NSL1: variants seen among roughly 807,000 people sequenced by gnomAD.
The protein encoded by NSL1 is kinetochore-associated protein NSL1 homolog.
NSL1 carries 11 observed loss-of-function variants against 25.4 expected under a neutral mutation model. That is an observed-to-expected ratio of 0.43 (90% CI 0.27 to 0.72). NSL1 has a LOEUF of 0.72. Ranked by LOEUF, NSL1 falls within the 30% of genes least tolerant of loss-of-function variation. The pLI is 0.19. For synonymous variants in NSL1, 118 were observed against 120.6 expected (o/e 0.98, Z 0.14); for missense variants, 330 against 342.7 (o/e 0.96, Z 0.29).
chr1:212,727,383 T>G lies in NSL1; in HGVS notation c.*11025A>C. The G allele has an allele frequency of 1.0e-6, 1 of 985,332 alleles. No homozygotes were observed. The highest frequency in any genetic ancestry group is 1.2e-6 in the Non-Finnish European group (1 of 829,906). The allele number at this position is 985,332 out of a possible 1,614,324, so 61.0% of individuals were successfully genotyped here. ...CAGGAAGGTCACTTAACCAGGGAAA[T>G]AAGTATCAGTCAAGTTAATGTTTCC... On this transcript the variant is annotated 3_prime_UTR_variant, in exon 6 of 6. Transcript: ENST00000366977.
intron 4 of NSL1, chr1:212,781,897 A>G (rs1230099964): frequency 6.7e-6 from 2 of 298,894 alleles, no homozygotes; most frequent in Non-Finnish European, 1.3e-5. Flanking sequence ...ATATAAATGG[A>G]AACAAAACTG....
At position 212,732,227 on chromosome 1, in the gene NSL1, T is replaced by C. The variant is rs1040559881; in HGVS notation, c.*6181A>G. On this transcript the variant is annotated 3_prime_UTR_variant, in exon 6 of 6. Coordinates refer to ENST00000366977, the MANE Select transcript of NSL1 (RefSeq NM_015471.4). ...TAATCATATTACAAAACATCTCCTT[T>C]ATACAATTTTCTGCATAGTTAACAT... The C allele has an allele frequency of 2.0e-6, 2 of 981,986 alleles. No individual in the cohort carries two copies. The highest frequency in any genetic ancestry group is 3.5e-5 in the African/African-American group (2 of 57,128). 60.8% of individuals were successfully genotyped at this position (981,986 alleles called of 1,614,324 possible).
At chr1:212,783,544 G>A (rs1660812689) in intron 3 of NSL1, among the ~76,000 whole-genome samples, 1 of 152,168 alleles carries the variant, frequency 6.6e-6, no homozygotes, top group Admixed American at 6.5e-5. Flanking sequence ...GAGGCAACTA[G>A]AAGATTTATA....
At chr1:212,753,744 T>TA (rs1034622496) in intron 4 of NSL1, among the ~76,000 whole-genome samples, 2 of 152,200 alleles carry the variant, frequency 1.3e-5, no homozygotes, top group Admixed American at 6.5e-5. Context: ...AATATAATAT[T>TA]AAAAAACTCA....
At chr1:212,752,277 G>A (rs1659101553) in intron 4 of NSL1, among the ~76,000 whole-genome samples, 1 of 152,086 alleles carries the variant, frequency 6.6e-6, no homozygotes, top group Non-Finnish European at 1.5e-5. Context: ...TTTTTTCCCA[G>A]TGGGAAGTGT....
chr1:212,769,010 C>T (rs1558055340), intron 4 of NSL1, among the ~76,000 whole-genome samples: 1 of 151,928 alleles, frequency 6.6e-6, no homozygotes, highest in African/African-American at 2.4e-5. Flanking sequence ...CACTCCACTG[C>T]ACTCCAGCCT....
chr1:212,764,880 G>GAAA (rs141701718), intron 4 of NSL1, among the ~76,000 whole-genome samples: 9 of 101,354 alleles, frequency 8.9e-5, no homozygotes, highest in African/African-American at 1.4e-4. Flanking sequence ...AAGAAAGAAA[G>GAAA]AAAAAAAAAA....
At chr1:212,740,678 T>A (rs1046145492) in intron 4 of NSL1, among the ~76,000 whole-genome samples, 9 of 152,294 alleles carry the variant, frequency 5.9e-5, no homozygotes, top group African/African-American at 2.2e-4. Context: ...GAAAGTTCTC[T>A]TGTGCCCCTT....
chr1:212,732,397 C>G lies in NSL1; in HGVS notation c.*6011G>C, dbSNP rs1246957532. 2.0e-6 allele frequency: 1 copy of G among 506,682 alleles called. No homozygotes were observed. 31.4% of individuals were successfully genotyped at this position (506,682 alleles called of 1,614,324 possible). ...GCGTGATCTTGGCTCACTGCAACCTCTGCCTCCTGGGTTCAAGCGATTCTC... is the reference window on the plus strand; with the variant it reads ...GCGTGATCTTGGCTCACTGCAACCTGTGCCTCCTGGGTTCAAGCGATTCTC... On this transcript the variant is annotated 3_prime_UTR_variant, in exon 6 of 6. Transcript: ENST00000366977.
intron 4 of NSL1, among the ~76,000 whole-genome samples, chr1:212,762,665 G>A (rs1362616066): frequency 1.3e-5 from 2 of 152,196 alleles, no homozygotes; most frequent in African/African-American, 4.8e-5. Context: ...GCCTGTCTCG[G>A]AGCACACATC....
intron 4 of NSL1, among the ~76,000 whole-genome samples, chr1:212,766,875 C>T (rs909748635): frequency 1.5e-4 from 23 of 152,224 alleles, no homozygotes; most frequent in Admixed American, 2.6e-4. Flanking sequence ...TAGGAATATA[C>T]TTAACCAAGG....
At position 212,731,538 on chromosome 1, in the gene NSL1, T is replaced by C. The variant is rs1157166493; in HGVS notation, c.*6870A>G. The C allele has an allele frequency of 2.8e-5, 28 of 985,138 alleles. No individual in the cohort carries two copies. Among genetic ancestry groups the C allele is most frequent in the Non-Finnish European group, 3.4e-5 (28 of 829,776 alleles). 61.0% of individuals were successfully genotyped at this position (985,138 alleles called of 1,614,324 possible). On this transcript the variant is annotated 3_prime_UTR_variant, in exon 6 of 6. Coordinates refer to ENST00000366977, the MANE Select transcript of NSL1 (RefSeq NM_015471.4). ...CAAATTTATTTTCCCTTAATTACTATATGCATTTAATTTTAAAAATCAAAT... is the reference window on the plus strand; with the variant it reads ...CAAATTTATTTTCCCTTAATTACTACATGCATTTAATTTTAAAAATCAAAT...
intron 4 of NSL1, among the ~76,000 whole-genome samples, chr1:212,764,739 G>A (rs1272517623): frequency 6.7e-6 from 1 of 149,144 alleles, no homozygotes; most frequent in Non-Finnish European, 1.5e-5. Context: ...CCAGCCACTT[G>A]GGAGGCTGAG....
In NSL1 at chr1:212,731,296, C is replaced by G; in HGVS notation, c.*7112G>C. Reference sequence around the variant, plus strand: ...ATAGGCCAGGTGCAGTGGCTCATTCCTGTAATCCCAGCACTTTGGGAAGCT... The same window carrying G: ...ATAGGCCAGGTGCAGTGGCTCATTCGTGTAATCCCAGCACTTTGGGAAGCT... On this transcript the variant is annotated 3_prime_UTR_variant, in exon 6 of 6. Coordinates refer to ENST00000366977, the MANE Select transcript of NSL1 (RefSeq NM_015471.4). 3 of 984,612 alleles carry G rather than the reference C, an allele frequency of 3.0e-6. No individual in the cohort carries two copies. Among genetic ancestry groups the G allele is most frequent in the Non-Finnish European group, 3.6e-6 (3 of 829,334 alleles). The allele number at this position is 984,612 out of a possible 1,614,324, so 61.0% of individuals were successfully genotyped here.
chr1:212,782,011 T>A (rs1167191097), intron 4 of NSL1: 1 of 534,844 alleles, frequency 1.9e-6, no homozygotes, highest in Non-Finnish European at 3.7e-6. Context: ...GCACCAGGTG[T>A]GACACTATGA....
At position 212,729,664 on chromosome 1, in the gene NSL1, C is replaced by A. The variant is rs1488358853; in HGVS notation, c.*8744G>T. On this transcript the variant is annotated 3_prime_UTR_variant, in exon 6 of 6. Transcript: ENST00000366977. Reference sequence around the variant, plus strand: ...GAGAGAATTCGAACACTTATTTTAACCTTTTCACCAAATTTTTGTCAGAGA... The same window carrying A: ...GAGAGAATTCGAACACTTATTTTAAACTTTTCACCAAATTTTTGTCAGAGA... 4.1e-6 allele frequency: 4 copies of A among 985,310 alleles called. No homozygotes were observed. Among genetic ancestry groups the A allele is most frequent in the Non-Finnish European group, 4.8e-6 (4 of 829,932 alleles). 61.0% of individuals were successfully genotyped at this position (985,310 alleles called of 1,614,324 possible). A position where few individuals can be genotyped will look rare whatever the true frequency, so the allele number is the denominator to read the frequency against.
chr1:212,739,382 G>A (rs1658390508), intron 5 of NSL1, 152 bp downstream of exon 5: 1 of 664,770 alleles, frequency 1.5e-6, no homozygotes, highest in African/African-American at 1.8e-5. Context: ...TATTCTAAAT[G>A]TTACTGTTGC....
chr1:212,754,769 C>CAAAAAAAAAAAAAAAA lies in NSL1; in HGVS notation c.500-15184_500-15169dup, dbSNP rs59259608. ...GGGCAACAAGAGTAAAATTCTGTCT[C>CAAAAAAAAAAAAAAAA]AAAAAAAAAAAAAAAACCAACTCAA... is the stretch of plus-strand genomic sequence containing the variant. On this transcript the variant is annotated intron_variant, in intron 4 of 5. Transcript: ENST00000366977. 2.0e-3 allele frequency among the ~76,000 whole-genome samples: 141 copies of CAAAAAAAAAAAAAAAA among 71,208 alleles called. 5 individuals carry two copies. The highest frequency in any genetic ancestry group is 7.8e-3 in the African/African-American group (128 of 16,348). 46.7% of individuals were successfully genotyped at this position (71,208 alleles called of 152,430 possible).
intron 4 of NSL1, among the ~76,000 whole-genome samples, chr1:212,745,165 T>C (rs1408724219): frequency 0.023 from 433 of 18,988 alleles, 1 homozygote; most frequent in Non-Finnish European, 0.048. Flanking sequence ...ACAAACTATA[T>C]ATATATATAT....
Sources: gnomAD v4.1 joint callset for allele counts (sites outside exome capture counted in the v4.1 genomes callset) on GRCh38, gnomAD v4.1.1 for gene constraint, MANE v1.5 for transcripts, NCBI Gene and HGNC (gene_info 2026-07-23, HGNC 2026-07-21) for gene names.